SEC16B: variants seen among roughly 807,000 people sequenced by gnomAD.
The protein encoded by SEC16B is SEC16 homolog B, endoplasmic reticulum export factor.
Under a neutral mutation model 141.8 loss-of-function variants are expected in SEC16B, and 115 were observed. That is an observed-to-expected ratio of 0.81 (90% CI 0.70 to 0.95). The LOEUF is 0.95. Ranked by LOEUF, SEC16B falls within the 40% of genes least tolerant of loss-of-function variation. The pLI, the probability that SEC16B is intolerant of heterozygous loss-of-function variation, is 0.00. For synonymous variants in SEC16B, 493 were observed against 492.5 expected (o/e 1.00, Z -0.01); for missense variants, 1,291 against 1,312.3 (o/e 0.98, Z 0.25).
At chr1:177,979,788 T>C (rs954838114) in intron 1 of SEC16B, among the ~76,000 whole-genome samples, 2 of 152,178 alleles carry the variant, frequency 1.3e-5, no homozygotes, top group Non-Finnish European at 2.9e-5. Flanking sequence ...ACATCTTATG[T>C]GGATGGCAGC....
intron 6 of SEC16B, chr1:177,961,347 C>T (rs1653045165): frequency 2.0e-6 from 1 of 511,330 alleles, no homozygotes; most frequent in Non-Finnish European, 3.4e-6. Context: ...CCACTGAGTG[C>T]CTCCTTTCCC....
intron 1 of SEC16B, among the ~76,000 whole-genome samples, chr1:177,981,845 G>C (rs1654429929): frequency 6.6e-6 from 1 of 152,134 alleles, no homozygotes; most frequent in South Asian, 2.1e-4. Flanking sequence ...ACACACCTGT[G>C]GTGGGTGGTA....
intron 1 of SEC16B, chr1:177,984,065 C>G (rs1654533833): frequency 1.3e-5 from 2 of 152,090 alleles, no homozygotes; most frequent in African/African-American, 2.4e-5. Flanking sequence ...TGGCTTAATG[C>G]CTTTTTGTTC....
chr1:177,953,354 A>G (rs1489235277), intron 11 of SEC16B, among the ~76,000 whole-genome samples: 1 of 152,184 alleles, frequency 6.6e-6, no homozygotes, highest in Non-Finnish European at 1.5e-5. Flanking sequence ...TTAATGGCCA[A>G]TTCAAATATT....
intron 18 of SEC16B, among the ~76,000 whole-genome samples, chr1:177,938,061 G>GT (rs1250660750): frequency 6.6e-6 from 1 of 152,020 alleles, no homozygotes; most frequent in Non-Finnish European, 1.5e-5. Context: ...CGGCCACAAG[G>GT]TTTTTTTTCT....
chr1:177,952,774 T>C (rs964982348), intron 11 of SEC16B, among the ~76,000 whole-genome samples: 2 of 152,134 alleles, frequency 1.3e-5, no homozygotes, highest in African/African-American at 4.8e-5. Context: ...CACCGTCCTT[T>C]ATTTAACAGC....
chr1:177,958,609 C>T (rs1460840360), intron 9 of SEC16B, among the ~76,000 whole-genome samples: 2 of 152,200 alleles, frequency 1.3e-5, no homozygotes, highest in Non-Finnish European at 2.9e-5. Flanking sequence ...TATTATCTGG[C>T]TGGTGCAATA....
chr1:177,957,700 A>G (rs887613789), intron 10 of SEC16B, among the ~76,000 whole-genome samples: 7 of 152,158 alleles, frequency 4.6e-5, no homozygotes, highest in African/African-American at 1.7e-4. Flanking sequence ...TAAATGTACA[A>G]TTAAGCTATT....
At chr1:177,933,696 G>T in intron 20 of SEC16B, 60 bp from the exon 21 acceptor site, 1 of 1,560,336 alleles carries the variant, frequency 6.4e-7, no homozygotes, top group Non-Finnish European at 8.8e-7. Flanking sequence ...AAACACATTT[G>T]CACATACTCC....
At chr1:177,966,754 T>C (rs1192263354) in intron 2 of SEC16B, among the ~76,000 whole-genome samples, 1 of 152,092 alleles carries the variant, frequency 6.6e-6, no homozygotes, top group Non-Finnish European at 1.5e-5. Flanking sequence ...TTTGTATTTT[T>C]AGTAGAGGCG....
rs1054443950 is a variant in SEC16B at position 177,983,436 on chromosome 1, C to T, written c.-59+770G>A. ...GAGGTGACAATCAAAAATATCTGTTCGTCAATAAGTTAACCGTACTCAGGT... is the reference window on the plus strand; with the variant it reads ...GAGGTGACAATCAAAAATATCTGTTTGTCAATAAGTTAACCGTACTCAGGT... On this transcript the variant is annotated intron_variant and NMD_transcript_variant, in intron 1 of 24. Coordinates refer to the SEC16B transcript ENST00000528461. Among the ~76,000 whole-genome samples the T allele has an allele frequency of 4.7e-4, 72 of 151,786 alleles. 1 individual carries two copies. Among genetic ancestry groups the T allele is most frequent in the African/African-American group, 1.6e-3 (65 of 41,300 alleles).
intron 5 of SEC16B, among the ~76,000 whole-genome samples, chr1:177,963,606 A>C (rs1251438351): frequency 6.6e-6 from 1 of 152,240 alleles, no homozygotes; most frequent in Non-Finnish European, 1.5e-5. Context: ...CTGTCTCAAA[A>C]GAAAAGAACC....
intron 23 of SEC16B, 44 bp from the exon 24 acceptor site, chr1:177,932,613 G>A: frequency 6.6e-7 from 1 of 1,506,410 alleles, no homozygotes; most frequent in African/African-American, 1.4e-5. Flanking sequence ...CTCAGGACTG[G>A]GGGTCCCCAC....
chr1:177,957,275 ATAG>A (rs1268445157), intron 10 of SEC16B, among the ~76,000 whole-genome samples: 2 of 152,178 alleles, frequency 1.3e-5, no homozygotes, highest in East Asian at 1.9e-4. Context: ...ATATTCAATA[ATAG>A]TAGAATAGAT....
At chr1:177,947,799 G>A (rs751569162) in intron 13 of SEC16B, 26 bp downstream of exon 13, 65 of 1,453,478 alleles carry the variant, frequency 4.5e-5, no homozygotes, top group African/African-American at 1.7e-4. Context: ...GGAGGGGAGC[G>A]GAGGGGAAAT....
At chr1:177,936,448 T>G in intron 19 of SEC16B, 83 bp from the exon 20 acceptor site, 1 of 1,214,732 alleles carries the variant, frequency 8.2e-7, no homozygotes, top group Non-Finnish European at 1.2e-6. Context: ...TGGGACACAA[T>G]CAGCTTTCTT....
intron 10 of SEC16B, among the ~76,000 whole-genome samples, chr1:177,957,194 G>A (rs537277459): frequency 3.4e-4 from 51 of 152,108 alleles, no homozygotes; most frequent in African/African-American, 1.2e-3. Context: ...AAAAGATCAG[G>A]CAAAGACTTA....
intron 11 of SEC16B, among the ~76,000 whole-genome samples, chr1:177,953,461 C>T (rs1435293451): frequency 6.6e-6 from 1 of 152,222 alleles, no homozygotes; most frequent in Non-Finnish European, 1.5e-5. Context: ...AAGTCTGCCC[C>T]TTAAAGGAGG....
intron 12 of SEC16B, chr1:177,948,456 C>T (rs1473115034): frequency 5.4e-6 from 7 of 1,303,508 alleles, no homozygotes; most frequent in Non-Finnish European, 7.1e-6. Context: ...TCACAGGAAC[C>T]CTATGAAGTC....
Sources: gnomAD v4.1 joint callset for allele counts (sites outside exome capture counted in the v4.1 genomes callset) on GRCh38, gnomAD v4.1.1 for gene constraint, MANE v1.5 for transcripts, NCBI Gene and HGNC (gene_info 2026-07-23, HGNC 2026-07-21) for gene names.